Variants in LRP1B observed in about 807,000 individuals in gnomAD.
LRP1B encodes the protein low-density lipoprotein receptor-related protein 1B.
Under a neutral mutation model 556.6 loss-of-function variants are expected in LRP1B, and 217 were observed. The ratio of observed to expected loss-of-function variants is 0.39; its 90% CI spans 0.35 to 0.44. The LOEUF is 0.44. Ranked by LOEUF, LRP1B falls within the 20% of genes least tolerant of loss-of-function variation. LRP1B has a pLI of 1.00. For missense variants in LRP1B, 5,053 were observed against 5,620.8 expected (o/e 0.90, Z 3.23); for synonymous variants, 2,047 against 1,865.8 (o/e 1.10, Z -2.50).
chr2:141,872,817 CTTAAA>C (rs1698633077), intron 1 of LRP1B, among the ~76,000 whole-genome samples: 1 of 151,856 alleles, frequency 6.6e-6, no homozygotes, highest in Non-Finnish European at 1.5e-5. Context: ...CAAGATACTA[CTTAAA>C]TTAATTAATT....
intron 2 of LRP1B, among the ~76,000 whole-genome samples, chr2:141,795,903 C>G (rs1002239026): frequency 1.8e-4 from 11 of 60,530 alleles, no homozygotes; most frequent in South Asian, 4.8e-4. Flanking sequence ...TATATATAAT[C>G]TTTAAGCAAA....
At chr2:140,332,443 G>A (rs1343206978) in intron 79 of LRP1B, among the ~76,000 whole-genome samples, 1 of 152,066 alleles carries the variant, frequency 6.6e-6, no homozygotes, top group Non-Finnish European at 1.5e-5. Context: ...ACTGGTCCCA[G>A]TGTTGGAGAC....
At chr2:140,621,376 C>T (rs1284569719) in intron 41 of LRP1B, among the ~76,000 whole-genome samples, 1 of 115,862 alleles carries the variant, frequency 8.6e-6, no homozygotes, top group Non-Finnish European at 1.7e-5. Context: ...CAGAGCGAGA[C>T]TCTGTCTCAA....
At chr2:140,903,265 A>G (rs2105224115) in intron 22 of LRP1B, 100 bp from the exon 23 acceptor site, 1 of 1,353,812 alleles carries the variant, frequency 7.4e-7, no homozygotes, top group Non-Finnish European at 1.0e-6. Context: ...ATTAGCCAGG[A>G]TACTACAAAT....
chr2:140,582,164 TG>T (rs1049074405), intron 43 of LRP1B, among the ~76,000 whole-genome samples: 14 of 152,202 alleles, frequency 9.2e-5, no homozygotes, highest in African/African-American at 3.1e-4. Context: ...GATTGTACCT[TG>T]GGTAAATTCT....
intron 7 of LRP1B, among the ~76,000 whole-genome samples, chr2:141,076,631 TAA>T (rs1699793309): frequency 6.6e-6 from 1 of 152,298 alleles, no homozygotes; most frequent in East Asian, 1.9e-4. Flanking sequence ...GCACATACAC[TAA>T]GTTATTTACT....
At chr2:141,766,406 C>T (rs1033849989) in intron 2 of LRP1B, among the ~76,000 whole-genome samples, 6 of 152,186 alleles carry the variant, frequency 3.9e-5, no homozygotes, top group African/African-American at 1.4e-4. Context: ...GGTGCAGCTG[C>T]ATTTTCAAGG....
chr2:140,339,953 C>A (rs1445815146), intron 77 of LRP1B, among the ~76,000 whole-genome samples: 1 of 151,508 alleles, frequency 6.6e-6, no homozygotes, highest in African/African-American at 2.4e-5. Context: ...TACATTAGGA[C>A]CATGTCAACT....
At chr2:140,692,375 A>T (rs1379265486) in intron 41 of LRP1B, among the ~76,000 whole-genome samples, 1 of 152,114 alleles carries the variant, frequency 6.6e-6, no homozygotes. Context: ...TATTCTCTCT[A>T]AAAGTGTGAA....
intron 2 of LRP1B, among the ~76,000 whole-genome samples, chr2:141,658,489 C>T (rs189926483): frequency 2.0e-5 from 3 of 152,256 alleles, no homozygotes; most frequent in African/African-American, 7.2e-5. Flanking sequence ...GCCCAGGTCT[C>T]CTTGTTGTCC....
intron 1 of LRP1B, among the ~76,000 whole-genome samples, chr2:141,997,594 C>T (rs1019874919): frequency 6.7e-6 from 1 of 150,024 alleles, no homozygotes; most frequent in African/African-American, 2.4e-5. Flanking sequence ...GCAATTCTCC[C>T]ATCTCAACCT....
At chr2:140,419,354 G>C (rs79708582) in intron 66 of LRP1B, among the ~76,000 whole-genome samples, 1 of 152,056 alleles carries the variant, frequency 6.6e-6, no homozygotes, top group Admixed American at 6.6e-5. Flanking sequence ...GTTATAGTCA[G>C]ATATTTCAGT....
intron 31 of LRP1B, among the ~76,000 whole-genome samples, chr2:140,830,666 G>A (rs1265279754): frequency 6.6e-6 from 1 of 151,998 alleles, no homozygotes; most frequent in Admixed American, 6.5e-5. Context: ...GAGAAAAAAT[G>A]AGAGCTTTTC....
At chr2:140,949,277 C>A (rs1695634305) in intron 20 of LRP1B, among the ~76,000 whole-genome samples, 1 of 152,098 alleles carries the variant, frequency 6.6e-6, no homozygotes. Context: ...AGAAAAAATT[C>A]TGTTAAAATA....
At chr2:140,917,530 C>G (rs1694614817) in intron 21 of LRP1B, among the ~76,000 whole-genome samples, 1 of 152,116 alleles carries the variant, frequency 6.6e-6, no homozygotes, top group South Asian at 2.1e-4. Flanking sequence ...AACTACCAAC[C>G]CGTGAAAAGG....
chr2:141,000,894 ATCAATCTG>A (rs920449555), intron 15 of LRP1B, among the ~76,000 whole-genome samples: 2 of 129,108 alleles, frequency 1.5e-5, no homozygotes, highest in African/African-American at 5.9e-5. Context: ...TCATTTATTT[ATCAATCTG>A]TCAATATCTT....
chr2:140,628,296 C>T (rs1479729430), intron 41 of LRP1B, among the ~76,000 whole-genome samples: 15 of 151,916 alleles, frequency 9.9e-5, no homozygotes, highest in Non-Finnish European at 1.5e-4. Context: ...TTTGGGAGGC[C>T]GAGGCGGGAG....
intron 3 of LRP1B, among the ~76,000 whole-genome samples, chr2:141,390,291 GA>G (rs769148910): frequency 2.4e-3 from 356 of 150,858 alleles, no homozygotes; most frequent in African/African-American, 7.9e-3. Flanking sequence ...TTTTAATAAA[GA>G]AAAAAAAAGC....
intron 2 of LRP1B, among the ~76,000 whole-genome samples, chr2:141,646,465 T>C (rs899631861): frequency 1.1e-4 from 16 of 152,116 alleles, no homozygotes; most frequent in African/African-American, 3.9e-4. Flanking sequence ...TGCTGTGCTA[T>C]GTGATATGAA....
Sources: gnomAD v4.1 joint callset for allele counts (sites outside exome capture counted in the v4.1 genomes callset) on GRCh38, gnomAD v4.1.1 for gene constraint, MANE v1.5 for transcripts, NCBI Gene and HGNC (gene_info 2026-07-23, HGNC 2026-07-21) for gene names.